MGST1: variants seen among roughly 807,000 people sequenced by gnomAD.
MGST1 encodes glutathione S-transferase 12.
Under a neutral mutation model 8.9 loss-of-function variants are expected in MGST1, and 5 were observed. That is an observed-to-expected ratio of 0.56 (90% CI 0.29 to 1.19). MGST1 has a LOEUF of 1.19. MGST1 is among the 50% of genes most tolerant of loss of function. MGST1 has a pLI of 0.08. For synonymous variants in MGST1, 54 were observed against 67.8 expected (o/e 0.80, Z 1.00); for missense variants, 182 against 187.4 (o/e 0.97, Z 0.17).
intron 3 of MGST1, among the ~76,000 whole-genome samples, chr12:16,374,195 G>A (rs371554828): frequency 2.0e-5 from 3 of 152,028 alleles, no homozygotes; most frequent in East Asian, 3.9e-4. Context: ...AGCAGAATAT[G>A]CTATGGCCAA....
intron 1 of MGST1, chr12:16,402,422 G>T (rs922371153): frequency 1.2e-6 from 2 of 1,603,784 alleles, no homozygotes; most frequent in Non-Finnish European, 1.7e-6. Context: ...CACAGCCATA[G>T]CCCTGGACGC....
At chr12:16,366,969 C>T (rs186984559), downstream of MGST1, among the ~76,000 whole-genome samples, 17 of 152,122 alleles carry the variant, frequency 1.1e-4, no homozygotes, top group South Asian at 8.3e-4. This position sits in a 1 kb window ranked among gnomAD's most constrained non-coding sequence, Gnocchi z 4.0. Context: ...CAAGGGCAAA[C>T]GTACATTTAT....
At chr12:16,446,101 C>G (rs1014855614) in intron 4 of MGST1, among the ~76,000 whole-genome samples, 6 of 151,866 alleles carry the variant, frequency 4.0e-5, no homozygotes, top group African/African-American at 1.4e-4. Flanking sequence ...GACCAGAGCA[C>G]CGTTTGCTTT....
chr12:16,477,523 A>G (rs1423878611), intron 4 of MGST1, among the ~76,000 whole-genome samples: 1 of 152,204 alleles, frequency 6.6e-6, no homozygotes, highest in African/African-American at 2.4e-5. Context: ...GTTTCTTTCA[A>G]GCATATATAG....
intron 1 of MGST1, among the ~76,000 whole-genome samples, chr12:16,423,696 A>G (rs1434921401): frequency 6.6e-6 from 1 of 152,186 alleles, no homozygotes; most frequent in African/African-American, 2.4e-5. Context: ...CTCAGCATAC[A>G]TACTCCTTCC....
At chr12:16,504,841 C>T (rs1275333457) in intron 4 of MGST1, among the ~76,000 whole-genome samples, 1 of 152,144 alleles carries the variant, frequency 6.6e-6, no homozygotes, top group Non-Finnish European at 1.5e-5. Flanking sequence ...CAACCTAATC[C>T]TCAGACAACC....
At chr12:16,504,352 C>G (rs1941523477) in intron 4 of MGST1, among the ~76,000 whole-genome samples, 1 of 152,204 alleles carries the variant, frequency 6.6e-6, no homozygotes, top group African/African-American at 2.4e-5. Flanking sequence ...TGTAATTTCT[C>G]TTCCTTTACC....
chr12:16,562,362 G>C, intron 4 of MGST1, among the ~76,000 whole-genome samples: 1 of 152,154 alleles, frequency 6.6e-6, no homozygotes, highest in East Asian at 1.9e-4. Flanking sequence ...AGATATACTT[G>C]TGTATATAAC....
chr12:16,426,871 C>T (rs1940894218), intron 1 of MGST1, among the ~76,000 whole-genome samples: 1 of 150,298 alleles, frequency 6.7e-6, no homozygotes, highest in African/African-American at 2.4e-5. Context: ...ACTTGGGAGG[C>T]TGAGGCAGGA....
downstream of MGST1, among the ~76,000 whole-genome samples, chr12:16,592,601 C>T (rs570143727): frequency 1.3e-5 from 2 of 152,032 alleles, no homozygotes; most frequent in African/African-American, 2.4e-5. Context: ...GGTAAAGGAA[C>T]AGGTACTGAT....
At chr12:16,444,173 G>C (rs1055587133) in intron 4 of MGST1, among the ~76,000 whole-genome samples, 1 of 149,594 alleles carries the variant, frequency 6.7e-6, no homozygotes, top group Non-Finnish European at 1.5e-5. Flanking sequence ...CAGGTCTATT[G>C]GCTGATTTGG....
chr12:16,353,884 C>T (rs529425878), intron 1 of MGST1, among the ~76,000 whole-genome samples: 131 of 151,218 alleles, frequency 8.7e-4, no homozygotes, highest in African/African-American at 3.1e-3. Context: ...CTCAGTCTCA[C>T]GAGTAGCTGG....
At chr12:16,407,798 C>T (rs900706548) in intron 1 of MGST1, among the ~76,000 whole-genome samples, 3 of 151,984 alleles carry the variant, frequency 2.0e-5, no homozygotes, top group Non-Finnish European at 4.4e-5. Flanking sequence ...CATTGGGAGG[C>T]CAAGGCAGGC....
intron 1 of MGST1, among the ~76,000 whole-genome samples, chr12:16,352,079 C>T (rs371381488): frequency 4.9e-4 from 74 of 152,272 alleles, no homozygotes; most frequent in South Asian, 3.1e-3. Flanking sequence ...ATGGGGTGTT[C>T]GTGTCCCAGC....
chr12:16,439,565 G>T (rs1316682588), downstream of MGST1, among the ~76,000 whole-genome samples: 1 of 151,740 alleles, frequency 6.6e-6, no homozygotes, highest in Non-Finnish European at 1.5e-5. Flanking sequence ...AAACACTGGT[G>T]GTGCCTGATA....
downstream of MGST1, among the ~76,000 whole-genome samples, chr12:16,366,524 A>G (rs1940190842): frequency 6.6e-6 from 1 of 152,052 alleles, no homozygotes; most frequent in Non-Finnish European, 1.5e-5. The surrounding 1 kb of genome is among the most constrained non-coding windows in gnomAD (Gnocchi z 4.0). Context: ...TTGCCTTAAC[A>G]CTATTACTTA....
chr12:16,350,327 T>C (rs555650223), intron 1 of MGST1, among the ~76,000 whole-genome samples: 11 of 152,362 alleles, frequency 7.2e-5, no homozygotes, highest in African/African-American at 2.2e-4. Flanking sequence ...TGCTGGCCAA[T>C]GAATGGAGAA....
chr12:16,441,666 C>T (rs1941040306), downstream of MGST1, among the ~76,000 whole-genome samples: 1 of 151,660 alleles, frequency 6.6e-6, no homozygotes, highest in Non-Finnish European at 1.5e-5. Context: ...GCTTGAATAG[C>T]TCATTTCTTT....
At chr12:16,394,513 CCTTTCTTTCTTTCTTT>C (rs766001588) in intron 1 of MGST1, among the ~76,000 whole-genome samples, 16,464 of 83,822 alleles carry the variant, frequency 0.2, 1,441 homozygotes, top group South Asian at 0.27. Context: ...TCTTTCTCTC[CCTTTCTTTCTTTCTTT>C]CTTTCTTTCT....
Sources: gnomAD v4.1 joint callset for allele counts (sites outside exome capture counted in the v4.1 genomes callset) on GRCh38, gnomAD v4.1.1 for gene constraint, Gnocchi (gnomAD v3.1) non-coding constraint, MANE v1.5 for transcripts, NCBI Gene and HGNC (gene_info 2026-07-23, HGNC 2026-07-21) for gene names.